The following RALGPS1 variants were observed in gnomAD, a reference collection of about 807,000 sequenced individuals.
The protein encoded by RALGPS1 is Ral GEF with PH domain and SH3 binding motif 1.
Under a neutral mutation model 78.8 loss-of-function variants are expected in RALGPS1, and 19 were observed. That is an observed-to-expected ratio of 0.24 (90% CI 0.17 to 0.35). The LOEUF (loss-of-function observed/expected upper bound fraction) is 0.35, where lower values mean the gene tolerates loss of function less well. Ranked by LOEUF, RALGPS1 falls within the 10% of genes least tolerant of loss-of-function variation. RALGPS1 has a pLI of 1.00. For missense variants in RALGPS1, 454 were observed against 688.3 expected, an observed-to-expected ratio of 0.66 and a Z score of 3.81; for synonymous variants, 228 against 256.3, an observed-to-expected ratio of 0.89 and a Z score of 1.06.
rs930569155 is a variant in RALGPS1 at position 127,210,867 on chromosome 9, A to C, written c.1248-1264A>C. ...CAAGCACTGTGCTAGAGGCTGCCGA[A>C]AGAAACAGACACAGCCTTTGCCTAC... On this transcript the variant is annotated intron_variant, in intron 14 of 18. Coordinates refer to ENST00000259351, the MANE Select transcript of RALGPS1 (RefSeq NM_014636.3). The C allele has an allele frequency of 1.5e-5, 18 of 1,162,952 alleles. No individual in the cohort carries two copies. In the African/African-American group the frequency reaches 2.0e-4, roughly 13 times the overall value. The allele number at this position is 1,162,952 out of a possible 1,614,324, so 72.0% of individuals were successfully genotyped here.
chr9:127,140,921 G>A (rs977553908), intron 8 of RALGPS1, among the ~76,000 whole-genome samples: 2 of 152,198 alleles, frequency 1.3e-5, no homozygotes, highest in East Asian at 1.9e-4. Context: ...ATCAATAAGG[G>A]GGCAGGGGCA....
In RALGPS1 at chr9:127,049,212, G is replaced by C. The variant is rs2048077769; in HGVS notation, c.301-831G>C. 3.9e-5 allele frequency among the ~76,000 whole-genome samples: 6 copies of C among 152,302 alleles called. No individual in the cohort carries two copies. In the East Asian group the frequency reaches 1.2e-3, roughly 29 times the overall value. ...TGTTTCACATAGAACTGTTGTTACA[G>C]AAGTGAAACATAAACAGGAAGAGCT... is the stretch of plus-strand genomic sequence containing the variant. On this transcript the variant is annotated intron_variant, in intron 5 of 18. Transcript: ENST00000259351.
intron 1 of RALGPS1, among the ~76,000 whole-genome samples, chr9:126,939,422 G>A (rs1588531536): frequency 6.6e-6 from 1 of 152,222 alleles, no homozygotes; most frequent in East Asian, 1.9e-4. Flanking sequence ...TGTATCCCAT[G>A]CCAGGCACTG....
chr9:127,052,642 C>G (rs557460758), intron 6 of RALGPS1, among the ~76,000 whole-genome samples: 1 of 152,342 alleles, frequency 6.6e-6, no homozygotes, highest in Non-Finnish European at 1.5e-5. Flanking sequence ...TAGTCAGACT[C>G]ACGTTTTAGA....
chr9:127,207,524 AC>A (rs1390002064), intron 14 of RALGPS1, among the ~76,000 whole-genome samples: 3 of 152,098 alleles, frequency 2.0e-5, no homozygotes, highest in African/African-American at 7.2e-5. Context: ...ACAAACAAAA[AC>A]TATGATTTCT....
intron 11 of RALGPS1, among the ~76,000 whole-genome samples, chr9:127,194,060 C>G (rs1375962736): frequency 6.6e-6 from 1 of 152,238 alleles, no homozygotes; most frequent in Non-Finnish European, 1.5e-5. Context: ...GCGCCCCTAA[C>G]TCCCTGGCTC....
At chr9:126,960,623 G>A (rs1018864845) in intron 1 of RALGPS1, among the ~76,000 whole-genome samples, 3 of 152,190 alleles carry the variant, frequency 2.0e-5, no homozygotes, top group Non-Finnish European at 4.4e-5. Context: ...ATATCATCAG[G>A]CTGACTTTTT....
chr9:126,954,504 C>T (rs1013274673), intron 1 of RALGPS1, among the ~76,000 whole-genome samples: 1 of 152,190 alleles, frequency 6.6e-6, no homozygotes, highest in African/African-American at 2.4e-5. Context: ...CTCTCTAGCA[C>T]AGCCAGGCAT....
At position 127,069,300 on chromosome 9, in the gene RALGPS1, A is replaced by G. The variant is rs1356475234; in HGVS notation, c.554A>G (p.Lys185Arg). 1.2e-6 allele frequency: 2 copies of G among 1,613,964 alleles called. No homozygotes were observed. ...DYLMSKEDNY[K>R]RTREYIRSLK... ...CTGATGTCGAAAGAAGATAATTACA[A>G]GCGGACACGGGAATATATCCGAAGC... Residue 185 changes from lysine (K) to arginine (R), a missense_variant, in exon 8 of 19, where the codon AAG becomes AGG. Physicochemically the swap from Lys to Arg is conservative, Grantham distance 26 (BLOSUM62 2). Transcript: ENST00000259351.
rs545194959 is a variant in RALGPS1, at chr9:127,211,174, G to C, written c.1248-957G>C. Among the ~76,000 whole-genome samples the C allele has an allele frequency of 6.6e-6, 1 of 152,330 alleles. No homozygotes were observed. Among genetic ancestry groups the C allele is most frequent in the East Asian group, 1.9e-4 (1 of 5,176 alleles). ...GAGGGCAGGGACATGAGATGAGCTG[G>C]AGCCACATCCAGCATGCATCATCCA... On this transcript the variant is annotated intron_variant, in intron 14 of 18. Transcript: ENST00000259351. This position sits in a 1 kb window ranked among gnomAD's most constrained non-coding sequence, Gnocchi z 5.0.
At chr9:127,142,576 G>A (rs2057852967) in intron 8 of RALGPS1, among the ~76,000 whole-genome samples, 1 of 152,160 alleles carries the variant, frequency 6.6e-6, no homozygotes, top group African/African-American at 2.4e-5. Flanking sequence ...CCCTCCGCAG[G>A]AGGGCCTCCA....
chr9:127,191,181 G>T (rs978176989), intron 11 of RALGPS1, among the ~76,000 whole-genome samples: 3 of 152,040 alleles, frequency 2.0e-5, no homozygotes, highest in African/African-American at 7.2e-5. Context: ...ACTGTGATTC[G>T]CCTTTTAACA....
In RALGPS1 at chr9:127,183,263, G is replaced by A. The variant is rs1020334952; in HGVS notation, c.910+8481G>A. On this transcript the variant is annotated intron_variant, in intron 11 of 18. Coordinates refer to ENST00000259351, the MANE Select transcript of RALGPS1 (RefSeq NM_014636.3). The surrounding 1 kb of genome is among the most constrained non-coding windows in gnomAD (Gnocchi z 4.0). ...GGCCTTCTAGCTGGCAGCCGATATC[G>A]CTGATGCTTCTTCTCCCAGGCACTT... Among the ~76,000 whole-genome samples, 19 of 152,304 alleles carry A rather than the reference G, an allele frequency of 1.2e-4. No individual in the cohort carries two copies. Among genetic ancestry groups the A allele is most frequent in the African/African-American group, 3.6e-4 (15 of 41,558 alleles).
intron 8 of RALGPS1, among the ~76,000 whole-genome samples, chr9:127,157,106 G>T (rs1207290430): frequency 6.6e-6 from 1 of 151,906 alleles, no homozygotes; most frequent in Non-Finnish European, 1.5e-5. Context: ...TAATGACTGG[G>T]CATCACAGCA....
At chr9:126,989,147 G>T (rs1392304748) in intron 4 of RALGPS1, among the ~76,000 whole-genome samples, 1 of 152,142 alleles carries the variant, frequency 6.6e-6, no homozygotes, top group African/African-American at 2.4e-5. Context: ...GCAAAGCACA[G>T]ATTTGGTTAG....
intron 4 of RALGPS1, among the ~76,000 whole-genome samples, chr9:126,988,764 G>A (rs1168057746): frequency 6.6e-6 from 1 of 152,206 alleles, no homozygotes; most frequent in Non-Finnish European, 1.5e-5. Context: ...GCTGCTGCAA[G>A]GGCCAAGATG....
At chr9:127,171,758 A>G (rs2139792250) in intron 10 of RALGPS1, among the ~76,000 whole-genome samples, 1 of 152,290 alleles carries the variant, frequency 6.6e-6, no homozygotes, top group Non-Finnish European at 1.5e-5. Flanking sequence ...CTCCATCTCA[A>G]AAAAAATAAT....
intron 13 of RALGPS1, among the ~76,000 whole-genome samples, chr9:127,197,772 G>A (rs1283206575): frequency 6.6e-6 from 1 of 152,172 alleles, no homozygotes; most frequent in Non-Finnish European, 1.5e-5. Flanking sequence ...TCATGCATGG[G>A]GAAAGGCTGG....
intron 8 of RALGPS1, among the ~76,000 whole-genome samples, chr9:127,160,288 C>T (rs998660757): frequency 2.6e-5 from 4 of 152,154 alleles, no homozygotes; most frequent in Admixed American, 6.5e-5. Context: ...TCCTTGGGGC[C>T]GGGTGTCCTG....
Sources: gnomAD v4.1 joint callset for allele counts (sites outside exome capture counted in the v4.1 genomes callset) on GRCh38, gnomAD v4.1.1 for gene constraint, Gnocchi (gnomAD v3.1) non-coding constraint, MANE v1.5 for transcripts, NCBI Gene and HGNC (gene_info 2026-07-23, HGNC 2026-07-21) for gene names.